The following CLTA variants were observed in gnomAD, a reference collection of about 807,000 sequenced individuals.
CLTA encodes clathrin light chain A.
A neutral mutation model predicts 26.9 loss-of-function variants in CLTA; 9 were observed. The ratio of observed to expected loss-of-function variants is 0.33; its 90% confidence interval spans 0.20 to 0.58. CLTA has a LOEUF of 0.58. CLTA is among the 20% of genes least tolerant of loss of function. The probability of loss-of-function intolerance (pLI) is 0.85; values close to 1 mark genes in which losing one functional copy is unlikely to be tolerated. For synonymous variants in CLTA, 120 were observed against 115.5 expected (o/e 1.04, Z -0.25); for missense variants, 278 against 294.2 (o/e 0.94, Z 0.40).
In CLTA at chr9:36,190,923, G is replaced by T; in HGVS notation, c.-134G>T. 1.4e-6 allele frequency: 2 copies of T among 1,402,126 alleles called. No homozygotes were observed. Among genetic ancestry groups the T allele is most frequent in the Middle Eastern group, 4.6e-4 (2 of 4,392 alleles). The allele number at this position is 1,402,126 out of a possible 1,614,324, so 86.9% of individuals were successfully genotyped here. ...GACCGGATACACGGGTAGGGCTTCCGCTTTACCCGTCTCCCTCCTGGCGCT... is the reference window on the plus strand; with the variant it reads ...GACCGGATACACGGGTAGGGCTTCCTCTTTACCCGTCTCCCTCCTGGCGCT... On this transcript the variant is annotated 5_prime_UTR_variant, in exon 1 of 5. Coordinates refer to ENST00000345519, the MANE Select transcript of CLTA (RefSeq NM_001833.4).
intron 1 of CLTA, among the ~76,000 whole-genome samples, chr9:36,191,701 T>TA (rs1253731997): frequency 2.6e-5 from 4 of 152,124 alleles, no homozygotes; most frequent in Admixed American, 2.0e-4. Flanking sequence ...AGAATGGAAA[T>TA]ATCGTTTTTG....
chr9:36,201,702 C>A (rs1473199129), intron 3 of CLTA, among the ~76,000 whole-genome samples: 1 of 152,206 alleles, frequency 6.6e-6, no homozygotes. Context: ...GGGGGCCTTA[C>A]ATTTTGAATT....
chr9:36,205,567 G>A (rs952692334), intron 4 of CLTA, among the ~76,000 whole-genome samples: 1 of 152,098 alleles, frequency 6.6e-6, no homozygotes, highest in African/African-American at 2.4e-5. Context: ...TAGCTGTGCC[G>A]ACCCTCCCCG....
chr9:36,201,053 G>C (rs1827373577), intron 3 of CLTA, among the ~76,000 whole-genome samples: 1 of 152,306 alleles, frequency 6.6e-6, no homozygotes, highest in Admixed American at 6.5e-5. Flanking sequence ...TCTCCATGGA[G>C]AGAGTCTACT....
intron 1 of CLTA, among the ~76,000 whole-genome samples, chr9:36,191,909 TG>T (rs1826750945): frequency 6.6e-6 from 1 of 152,154 alleles, no homozygotes; most frequent in African/African-American, 2.4e-5. Context: ...GCTCTTCCTC[TG>T]GGAACAGCTT....
At chr9:36,204,029 G>C in intron 3 of CLTA, 39 bp from the exon 4 acceptor site, 1 of 1,611,736 alleles carries the variant, frequency 6.2e-7, no homozygotes, top group Non-Finnish European at 8.5e-7. Context: ...TTTGCACTTT[G>C]CCTCAATTGT....
In CLTA at chr9:36,191,008, G is replaced by A. The variant is rs758346644; in HGVS notation, c.-49G>A. On this transcript the variant is annotated 5_prime_UTR_variant, in exon 1 of 5. Coordinates refer to ENST00000345519, the MANE Select transcript of CLTA (RefSeq NM_001833.4). ...CTGCCGGGCGTGGTGTCGGTGGGTCGGTTGGTTTTTGTCTCACCGTTGGTG... is the reference window on the plus strand; with the variant it reads ...CTGCCGGGCGTGGTGTCGGTGGGTCAGTTGGTTTTTGTCTCACCGTTGGTG... 3.0e-5 allele frequency: 44 copies of A among 1,476,020 alleles called. No individual in the cohort carries two copies. Among genetic ancestry groups the A allele is most frequent in the Non-Finnish European group, 3.7e-5 (42 of 1,123,740 alleles). 91.4% of individuals were successfully genotyped at this position (1,476,020 alleles called of 1,614,324 possible).
chr9:36,208,389 T>C (rs1278150787), intron 4 of CLTA, among the ~76,000 whole-genome samples: 1 of 152,218 alleles, frequency 6.6e-6, no homozygotes, highest in East Asian at 1.9e-4. Flanking sequence ...TTCTGGATTC[T>C]GGGCTGCACC....
intron 3 of CLTA, among the ~76,000 whole-genome samples, chr9:36,200,981 T>G (rs1827369110): frequency 6.6e-6 from 1 of 152,200 alleles, no homozygotes; most frequent in African/African-American, 2.4e-5. Flanking sequence ...TGCTGTAGTA[T>G]TTTTCATGTT....
rs188261514 is a variant in CLTA, at chr9:36,210,738, G to A, written c.486-865G>A. On this transcript the variant is annotated intron_variant, in intron 4 of 4. Transcript: ENST00000345519. ...TGTTGTAGTGGCTCTGGGCTTCAGC[G>A]GTGTTTGCCACGGCCATCCCTGTGA... is the stretch of plus-strand genomic sequence containing the variant. 1.7e-4 allele frequency: 266 copies of A among 1,558,594 alleles called. No individual in the cohort carries two copies. In the African/African-American group the frequency reaches 3.0e-3, roughly 17 times the overall value.
At position 36,190,947 on chromosome 9, in the gene CLTA, C is replaced by T. The variant is rs1055580882; in HGVS notation, c.-110C>T. The T allele has an allele frequency of 2.8e-6, 4 of 1,430,624 alleles. No individual in the cohort carries two copies. Among genetic ancestry groups the T allele is most frequent in the Admixed American group, 3.0e-5 (1 of 33,384 alleles). 88.6% of individuals were successfully genotyped at this position (1,430,624 alleles called of 1,614,324 possible). ...CGCTTTACCCGTCTCCCTCCTGGCG[C>T]TTGTCCTCCTCTCCCAGTCGGCACC... On this transcript the variant is annotated 5_prime_UTR_variant, in exon 1 of 5. Transcript: ENST00000345519.
rs1441701511 is a variant in CLTA at position 36,191,808 on chromosome 9, CG to C, written c.217+536del. ...AGGAGGAAGGAGGGAGTAGGGAACTCGAAAGATGATCTAGGTCTGGAGAAAG... is the reference window on the plus strand; with the variant it reads ...AGGAGGAAGGAGGGAGTAGGGAACTCAAAGATGATCTAGGTCTGGAGAAAG... On this transcript the variant is annotated intron_variant, in intron 1 of 4. Transcript: ENST00000345519. 2.6e-5 allele frequency among the ~76,000 whole-genome samples: 4 copies of C among 152,182 alleles called. No homozygotes were observed. In the East Asian group the frequency reaches 7.7e-4, roughly 29 times the overall value.
At chr9:36,205,755 G>GTTTTTTTTTT (rs746587996) in intron 4 of CLTA, among the ~76,000 whole-genome samples, 1 of 93,998 alleles carries the variant, frequency 1.1e-5, no homozygotes, top group African/African-American at 4.1e-5. Flanking sequence ...AATGACACCT[G>GTTTTTTTTTT]TTTTTTTTTT....
At position 36,195,838 on chromosome 9, in the gene CLTA, C is replaced by T. The variant is rs556079470; in HGVS notation, c.218-1713C>T. ...CAAAAATTAGCCGGGCATGGTGGCA[C>T]GTGCCTGTAATCCCAGCTATTCGGG... On this transcript the variant is annotated intron_variant, in intron 1 of 4. Transcript: ENST00000345519. Among the ~76,000 whole-genome samples the T allele has an allele frequency of 1.2e-3, 187 of 152,048 alleles. 4 individuals carry two copies. Among genetic ancestry groups the T allele is most frequent in the Admixed American group, 7.2e-4 (11 of 15,266 alleles).
intron 1 of CLTA, among the ~76,000 whole-genome samples, chr9:36,196,352 T>A (rs1039885091): frequency 1.3e-4 from 19 of 150,286 alleles, no homozygotes; most frequent in Admixed American, 4.6e-4. Flanking sequence ...CTTTTTTTTT[T>A]TTTTTATTTT....
At chr9:36,193,015 A>G (rs1197404796) in intron 1 of CLTA, among the ~76,000 whole-genome samples, 1 of 152,254 alleles carries the variant, frequency 6.6e-6, no homozygotes, top group Non-Finnish European at 1.5e-5. Context: ...CAAAAATGTC[A>G]GATCCAAGGG....
At chr9:36,198,907 C>G in intron 2 of CLTA, 72 bp from the exon 3 acceptor site, 4 of 848,458 alleles carry the variant, frequency 4.7e-6, no homozygotes, top group Non-Finnish European at 7.7e-6. Flanking sequence ...ACCAGGGGTT[C>G]TAACTCAGGT....
chr9:36,190,995 G>A lies in CLTA; in HGVS notation c.-62G>A. ...ACCACAGCGGTGGCTGCCGGGCGTG[G>A]TGTCGGTGGGTCGGTTGGTTTTTGT... On this transcript the variant is annotated 5_prime_UTR_variant, in exon 1 of 5. The change creates a new upstream start codon in the 5' untranslated region. Transcript: ENST00000345519. 1 of 1,468,070 alleles carries A rather than the reference G, an allele frequency of 6.8e-7. No individual in the cohort carries two copies. Among genetic ancestry groups the A allele is most frequent in the East Asian group, 2.5e-5 (1 of 39,544 alleles). 90.9% of individuals were successfully genotyped at this position (1,468,070 alleles called of 1,614,324 possible). A position where few individuals can be genotyped will look rare whatever the true frequency, so the allele number is the denominator to read the frequency against.
At chr9:36,194,604 G>A (rs1826922686) in intron 1 of CLTA, among the ~76,000 whole-genome samples, 1 of 152,214 alleles carries the variant, frequency 6.6e-6, no homozygotes, top group Non-Finnish European at 1.5e-5. Context: ...TGGCTCAAGT[G>A]CAGCTTCAAA....
Sources: allele counts gnomAD v4.1 joint callset (sites outside exome capture counted in the v4.1 genomes callset), GRCh38; gene constraint gnomAD v4.1.1; transcripts MANE v1.5; gene names NCBI Gene and HGNC (gene_info 2026-07-23, HGNC 2026-07-21).